CDC25C: variants seen among roughly 807,000 people sequenced by gnomAD.
CDC25C encodes cell division cycle 25C.
A neutral mutation model predicts 52.5 loss-of-function variants in CDC25C; 48 were observed. That is an observed-to-expected ratio of 0.91 (90% confidence interval 0.72 to 1.16). The LOEUF (loss-of-function observed/expected upper bound fraction) is 1.16. Ranked by LOEUF, CDC25C falls within the 50% of genes most tolerant of loss-of-function variation. CDC25C has a pLI of 0.00. For synonymous variants in CDC25C, 187 were observed against 206.5 expected (o/e 0.91, Z 0.81); for missense variants, 510 against 566.1 (o/e 0.90, Z 1.01).
intron 7 of CDC25C, among the ~76,000 whole-genome samples, chr5:138,297,087 A>C (rs1475945650): frequency 6.8e-6 from 1 of 147,156 alleles, no homozygotes; most frequent in Admixed American, 6.8e-5. Flanking sequence ...ATTTTTTTGT[A>C]TTTTTAGTAG....
chr5:138,325,925 A>C (rs1661825521), intron 5 of CDC25C, 21 bp from the exon 6 acceptor site: 1 of 1,612,414 alleles, frequency 6.2e-7, no homozygotes. Context: ...GAGTTTGCTG[A>C]GAACGTCCAG....
chr5:138,291,922 G>T (rs747314775), intron 8 of CDC25C, 48 bp downstream of exon 8: 1 of 1,523,512 alleles, frequency 6.6e-7, no homozygotes, highest in Admixed American at 1.9e-5. Flanking sequence ...GAAAAGCAAA[G>T]ACATGAGATA....
chr5:138,302,297 G>A (rs745484566), intron 7 of CDC25C, among the ~76,000 whole-genome samples: 1 of 151,758 alleles, frequency 6.6e-6, no homozygotes, highest in Non-Finnish European at 1.5e-5. Flanking sequence ...GTGCTCGGCC[G>A]ATGTAAAAAT....
At chr5:138,337,967 A>T (rs1386808829) in exon 1 of CDC25C, 1 of 1,289,412 alleles carries the variant, frequency 7.8e-7, no homozygotes, top group Admixed American at 2.3e-5. Context: ...TTCTTCCGAC[A>T]TGGCCTCCCC....
At position 138,313,999 on chromosome 5, in the gene CDC25C, T is replaced by TTTCTTTCTTTC. The variant is rs1561701478; in HGVS notation, c.615+5219_615+5220insGAAAGAAAGAA. ...TCTTTCTTTCTTTCTTTCTTTCTTT[T>TTTCTTTCTTTC]TTTTTTTTTTTTGAGATGGAGTCTT... is the stretch of plus-strand genomic sequence containing the variant. On this transcript the variant is annotated intron_variant, in intron 7 of 13. Transcript: ENST00000323760. Among the ~76,000 whole-genome samples the TTTCTTTCTTTC allele has an allele frequency of 7.3e-4, 6 of 8,244 alleles. No homozygotes were observed. The East Asian group carries it at 0.027, about 38-fold the overall frequency. The allele number at this position is 8,244 out of a possible 152,430, so 5.4% of individuals were successfully genotyped here.
intron 7 of CDC25C, among the ~76,000 whole-genome samples, chr5:138,301,766 C>T (rs1757647506): frequency 7.0e-6 from 1 of 143,420 alleles, no homozygotes; most frequent in Admixed American, 7.2e-5. Flanking sequence ...TGCAGTGGTG[C>T]TATCTCAGCT....
At chr5:138,285,927 G>T in intron 13 of CDC25C, 86 bp from the exon 14 acceptor site, 1 of 1,543,782 alleles carries the variant, frequency 6.5e-7, no homozygotes, top group Non-Finnish European at 8.9e-7. Flanking sequence ...TGCTGGCAGT[G>T]GCTAAGGAGG....
intron 6 of CDC25C, 118 bp downstream of exon 6, chr5:138,325,697 T>C (rs1759794319): frequency 8.2e-6 from 6 of 730,686 alleles, no homozygotes; most frequent in East Asian, 5.3e-5. Flanking sequence ...CCTATAGTAA[T>C]ACAGTTTCCT....
intron 7 of CDC25C, among the ~76,000 whole-genome samples, chr5:138,302,699 CA>C (rs112207756): frequency 0.16 from 21,570 of 136,568 alleles, 1,796 homozygotes; most frequent in South Asian, 0.24. Context: ...AACTCCATCT[CA>C]AAAAAAAAAA....
At chr5:138,335,757 T>G (rs1395973763), upstream of CDC25C, among the ~76,000 whole-genome samples, 2 of 149,024 alleles carry the variant, frequency 1.3e-5, no homozygotes, top group African/African-American at 2.4e-5. Context: ...GCCTGAAACT[T>G]GACTTGCAGG....
chr5:138,303,711 C>G (rs1443087399), intron 7 of CDC25C, among the ~76,000 whole-genome samples: 4 of 152,148 alleles, frequency 2.6e-5, no homozygotes, highest in Non-Finnish European at 5.9e-5. Flanking sequence ...CTCACCCTGC[C>G]CTACTCCAAT....
intron 7 of CDC25C, among the ~76,000 whole-genome samples, chr5:138,305,581 T>A (rs2126728300): frequency 6.6e-6 from 1 of 152,250 alleles, no homozygotes; most frequent in East Asian, 1.9e-4. Flanking sequence ...TTTATTTTTT[T>A]GTAGCGATGG....
chr5:138,316,530 G>A (rs760340706), intron 7 of CDC25C, among the ~76,000 whole-genome samples: 4 of 152,100 alleles, frequency 2.6e-5, no homozygotes, highest in Non-Finnish European at 5.9e-5. Context: ...AGGACGGGGA[G>A]GGCTTAAAGG....
At chr5:138,321,133 T>TA (rs1332451480) in intron 6 of CDC25C, among the ~76,000 whole-genome samples, 2 of 151,908 alleles carry the variant, frequency 1.3e-5, no homozygotes, top group Non-Finnish European at 2.9e-5. Flanking sequence ...ATTCTACTCA[T>TA]ATGAGGTATC....
intron 7 of CDC25C, among the ~76,000 whole-genome samples, chr5:138,306,627 C>A (rs1758020187): frequency 6.6e-6 from 1 of 152,026 alleles, no homozygotes; most frequent in African/African-American, 2.4e-5. Context: ...AGGTGCATAC[C>A]ACCATGCCCA....
chr5:138,290,303 C>G (rs919513983), intron 9 of CDC25C, among the ~76,000 whole-genome samples: 5 of 152,114 alleles, frequency 3.3e-5, no homozygotes, highest in African/African-American at 9.7e-5. Context: ...ATATACTAAG[C>G]AATATTACCC....
At chr5:138,303,863 A>AAATG (rs913402870) in intron 7 of CDC25C, among the ~76,000 whole-genome samples, 4 of 152,282 alleles carry the variant, frequency 2.6e-5, no homozygotes, top group South Asian at 4.1e-4. Flanking sequence ...ATTAGTGAAT[A>AAATG]AATGAATGAA....
chr5:138,285,893 T>C (rs1296350427), intron 13 of CDC25C, 52 bp from the exon 14 acceptor site: 4 of 1,594,404 alleles, frequency 2.5e-6, no homozygotes, highest in Non-Finnish European at 3.4e-6. Flanking sequence ...GAACTCTACC[T>C]ATGAAGGATA....
chr5:138,326,093 A>G (rs1451971749), intron 4 of CDC25C, 39 bp from the exon 5 acceptor site: 1 of 1,609,932 alleles, frequency 6.2e-7, no homozygotes, highest in East Asian at 2.2e-5. Context: ...GTTAGTCCCA[A>G]ATACTGTTTG....
Sources: gnomAD v4.1 joint callset for allele counts (sites outside exome capture counted in the v4.1 genomes callset) on GRCh38, gnomAD v4.1.1 for gene constraint, MANE v1.5 for transcripts, NCBI Gene and HGNC (gene_info 2026-07-23, HGNC 2026-07-21) for gene names.